GPC5: variants seen among roughly 807,000 people sequenced by gnomAD.
GPC5 encodes the protein glypican-5.
A neutral mutation model predicts 53.9 loss-of-function variants in GPC5; 47 were observed. The observed-to-expected ratio is 0.87, with a 90% CI of 0.69 to 1.11. GPC5 has a LOEUF of 1.11. GPC5 is among the 50% of genes most tolerant of loss of function. The pLI is 0.00. For missense variants in GPC5, 748 were observed against 713.1 expected (o/e 1.05, Z -0.56); for synonymous variants, 286 against 263.3 (o/e 1.09, Z -0.84).
chr13:92,494,062 TTG>T (rs1414280618), intron 7 of GPC5, among the ~76,000 whole-genome samples: 2 of 137,376 alleles, frequency 1.5e-5, no homozygotes, highest in African/African-American at 5.5e-5. Flanking sequence ...GTGTTTTTTT[TTG>T]TTTGTTTGTT....
At chr13:92,802,107 TTAA>T (rs149914555) in intron 7 of GPC5, among the ~76,000 whole-genome samples, 11,505 of 151,834 alleles carry the variant, frequency 0.076, 918 homozygotes, top group African/African-American at 0.2. Context: ...CAAATCTCCA[TTAA>T]TAATAAGTGC....
intron 2 of GPC5, among the ~76,000 whole-genome samples, chr13:91,671,733 T>G (rs2035247177): frequency 6.9e-6 from 1 of 144,490 alleles, no homozygotes; most frequent in Non-Finnish European, 1.5e-5. Context: ...TATTTTAAAT[T>G]TTATATGAAA....
intron 7 of GPC5, among the ~76,000 whole-genome samples, chr13:92,360,205 A>C (rs1445260539): frequency 6.6e-6 from 1 of 151,658 alleles, no homozygotes; most frequent in Admixed American, 6.6e-5. Context: ...GCCTTCTAGC[A>C]TTTTAAAATC....
At chr13:92,258,504 T>C (rs910110139) in intron 7 of GPC5, among the ~76,000 whole-genome samples, 4 of 152,218 alleles carry the variant, frequency 2.6e-5, no homozygotes, top group African/African-American at 9.6e-5. Context: ...TGTGTTAATA[T>C]CAGTAAGAGT....
rs190942230 is a variant in GPC5 at position 92,692,885 on chromosome 13, G to A, written c.1562-173397G>A. The stretch of plus-strand genomic sequence containing the variant: ...AAGCACTAATATGGTTTGGCTCTGC[G>A]TCCCCACCCAAATCTCATCTCAAAT... On this transcript the variant is annotated intron_variant, in intron 7 of 7. Coordinates refer to ENST00000377067, the MANE Select transcript of GPC5 (RefSeq NM_004466.6). Among the ~76,000 whole-genome samples, 183 of 150,972 alleles carry A rather than the reference G, an allele frequency of 1.2e-3. 2 individuals are homozygous for A. The highest frequency in any genetic ancestry group is 1.7e-3 in the African/African-American group (71 of 41,090).
chr13:92,310,657 C>T (rs1467755368), intron 7 of GPC5, among the ~76,000 whole-genome samples: 1 of 152,162 alleles, frequency 6.6e-6, no homozygotes, highest in African/African-American at 2.4e-5. Context: ...AGGGATAGGC[C>T]TTCCCAATTG....
chr13:92,316,697 A>G (rs2043181590), intron 7 of GPC5, among the ~76,000 whole-genome samples: 1 of 152,166 alleles, frequency 6.6e-6, no homozygotes, highest in South Asian at 2.1e-4. Flanking sequence ...ATTGCATTTA[A>G]TAAAGCAACT....
Position 92,751,598 on chromosome 13 carries a change from G to A in GPC5, c.1562-114684G>A, listed in dbSNP as rs527736214. On this transcript the variant is annotated intron_variant, in intron 7 of 7. Coordinates refer to ENST00000377067, the MANE Select transcript of GPC5 (RefSeq NM_004466.6). ...AACATCACACACCAGGGCCTGTTGT[G>A]GGGTTGGGGGAGGGGGGAGGGATAG... Among the ~76,000 whole-genome samples, 5 of 143,680 alleles carry A rather than the reference G, an allele frequency of 3.5e-5. No homozygotes were observed. In the East Asian group the frequency reaches 1.1e-3, roughly 31 times the overall value. The allele number at this position is 143,680 out of a possible 152,430, so 94.3% of individuals were successfully genotyped here.
At chr13:91,875,595 T>C (rs1445170351) in intron 5 of GPC5, among the ~76,000 whole-genome samples, 4 of 152,316 alleles carry the variant, frequency 2.6e-5, no homozygotes, top group Non-Finnish European at 5.9e-5. Context: ...TGTTCTCCAT[T>C]TCTGTTTTAT....
chr13:92,258,919 G>A (rs1378377950), intron 7 of GPC5, among the ~76,000 whole-genome samples: 1 of 152,130 alleles, frequency 6.6e-6, no homozygotes, highest in Non-Finnish European at 1.5e-5. Flanking sequence ...GAGAGTTACT[G>A]CACTCCAGTC....
At chr13:92,583,754 G>A (rs1353662575) in intron 7 of GPC5, among the ~76,000 whole-genome samples, 1 of 152,192 alleles carries the variant, frequency 6.6e-6, no homozygotes, top group African/African-American at 2.4e-5. Flanking sequence ...GTTTGGCTGT[G>A]TCCCCTTTCA....
intron 3 of GPC5, among the ~76,000 whole-genome samples, chr13:91,705,864 CT>C (rs1032654938): frequency 8.8e-5 from 13 of 147,378 alleles, no homozygotes; most frequent in Admixed American, 2.7e-4. Flanking sequence ...TAACTTTTTT[CT>C]TTTTTTTTCT....
chr13:92,194,343 T>C (rs1303866716), intron 7 of GPC5, among the ~76,000 whole-genome samples: 1 of 152,184 alleles, frequency 6.6e-6, no homozygotes, highest in East Asian at 1.9e-4. Flanking sequence ...GTGTGATGCA[T>C]GCCATAGGCT....
intron 7 of GPC5, among the ~76,000 whole-genome samples, chr13:92,692,664 A>G (rs1246474970): frequency 6.6e-6 from 1 of 150,696 alleles, no homozygotes; most frequent in African/African-American, 2.5e-5. Flanking sequence ...CATGTACCCT[A>G]AAACTTAAAG....
At chr13:92,816,076 T>C (rs753342854) in intron 7 of GPC5, among the ~76,000 whole-genome samples, 3 of 151,930 alleles carry the variant, frequency 2.0e-5, no homozygotes, top group Admixed American at 2.0e-4. Context: ...CAGGACCAGA[T>C]GAGTTCAAGT....
chr13:92,462,540 G>C (rs571344784), intron 7 of GPC5, among the ~76,000 whole-genome samples: 2 of 152,226 alleles, frequency 1.3e-5, no homozygotes, highest in East Asian at 3.9e-4. Flanking sequence ...TGTTAAATTT[G>C]AGGAGGTTAT....
intron 7 of GPC5, among the ~76,000 whole-genome samples, chr13:92,684,979 A>G (rs1887217679): frequency 6.6e-6 from 1 of 152,336 alleles, no homozygotes; most frequent in Admixed American, 6.5e-5. Context: ...GCAATTTTCT[A>G]ATGACATATG....
intron 7 of GPC5, among the ~76,000 whole-genome samples, chr13:92,772,096 C>G (rs1875637459): frequency 6.6e-6 from 1 of 152,084 alleles, no homozygotes; most frequent in South Asian, 2.1e-4. Context: ...CATTCATAAC[C>G]ATTTTTTAAA....
chr13:92,524,516 C>T (rs1016138542), intron 7 of GPC5, among the ~76,000 whole-genome samples: 10 of 151,950 alleles, frequency 6.6e-5, no homozygotes, highest in African/African-American at 2.4e-4. Context: ...TACAAAAGGC[C>T]AACTGCTACT....
Sources: gnomAD v4.1 joint callset for allele counts (sites outside exome capture counted in the v4.1 genomes callset) on GRCh38, gnomAD v4.1.1 for gene constraint, MANE v1.5 for transcripts, NCBI Gene and HGNC (gene_info 2026-07-23, HGNC 2026-07-21) for gene names.